The following CNTN6 variants were observed in gnomAD, a reference collection of about 807,000 sequenced individuals.
CNTN6 encodes the protein contactin 6.
Under a neutral mutation model 122.8 loss-of-function variants are expected in CNTN6, and 137 were observed. The ratio of observed to expected loss-of-function variants is 1.12; its 90% CI spans 0.97 to 1.29. The LOEUF (loss-of-function observed/expected upper bound fraction) is 1.29. Among genes scored for constraint, CNTN6 ranks in the 50% most tolerant of loss-of-function variants. The pLI, the probability that CNTN6 is intolerant of heterozygous loss-of-function variation, is 0.00. For synonymous variants in CNTN6, 570 were observed against 426.0 expected (o/e 1.34, Z -4.16); for missense variants, 1,634 against 1,223.4 (o/e 1.34, Z -5.01).
intron 11 of CNTN6, among the ~76,000 whole-genome samples, chr3:1,347,156 T>G (rs1443109685): frequency 1.3e-4 from 20 of 152,306 alleles, no homozygotes; most frequent in Non-Finnish European, 2.9e-4. Context: ...TCTTCTGAAT[T>G]TTGACTCATA....
At chr3:1,360,721 C>A (rs1559919789) in intron 12 of CNTN6, among the ~76,000 whole-genome samples, 1 of 151,926 alleles carries the variant, frequency 6.6e-6, no homozygotes. Context: ...TCAAATCAAG[C>A]TAATTCCAGC....
At chr3:1,234,379 T>G (rs2125579144) in intron 4 of CNTN6, among the ~76,000 whole-genome samples, 1 of 152,300 alleles carries the variant, frequency 6.6e-6, no homozygotes, top group South Asian at 2.1e-4. Flanking sequence ...TTCTATCTTT[T>G]GACCAGGGTC....
intron 2 of CNTN6, among the ~76,000 whole-genome samples, chr3:1,197,214 A>T (rs951172906): frequency 6.6e-6 from 1 of 152,200 alleles, no homozygotes; most frequent in East Asian, 1.9e-4. Flanking sequence ...TCTCAGCATC[A>T]TCTCTCACCC....
At chr3:1,158,233 G>A (rs1006097437) in intron 2 of CNTN6, among the ~76,000 whole-genome samples, 1 of 152,100 alleles carries the variant, frequency 6.6e-6, no homozygotes, top group Non-Finnish European at 1.5e-5. Context: ...TTTCAACTGG[G>A]GTGACATGAT....
At chr3:1,345,750 G>C (rs1019989699) in intron 11 of CNTN6, among the ~76,000 whole-genome samples, 1 of 152,008 alleles carries the variant, frequency 6.6e-6, no homozygotes, top group Non-Finnish European at 1.5e-5. Flanking sequence ...CTTAAATTGT[G>C]AACAGGAAGA....
intron 17 of CNTN6, among the ~76,000 whole-genome samples, chr3:1,381,150 A>T (rs1691812690): frequency 6.6e-6 from 1 of 152,216 alleles, no homozygotes; most frequent in Admixed American, 6.5e-5. Context: ...ATTTATGTAG[A>T]TGAACTGACT....
At chr3:1,329,451 A>G (rs904806190) in intron 10 of CNTN6, among the ~76,000 whole-genome samples, 1 of 151,610 alleles carries the variant, frequency 6.6e-6, no homozygotes, top group East Asian at 2.0e-4. Context: ...TGCTTTTATT[A>G]TTGCAATGAC....
chr3:1,123,764 G>A (rs996423), intron 1 of CNTN6, among the ~76,000 whole-genome samples: 58,111 of 151,778 alleles, frequency 0.38, 11,922 homozygotes, highest in East Asian at 0.48. Context: ...TCTTGTTCCC[G>A]ATCAGAGTGG....
At chr3:1,278,369 T>C in intron 4 of CNTN6, 44 bp from the exon 5 acceptor site, 1 of 1,286,516 alleles carries the variant, frequency 7.8e-7, no homozygotes, top group Admixed American at 2.0e-5. Context: ...ATATTTATTC[T>C]GCAAAGTAAC....
At chr3:1,396,993 T>C (rs954876727) in intron 20 of CNTN6, among the ~76,000 whole-genome samples, 7 of 152,200 alleles carry the variant, frequency 4.6e-5, no homozygotes, top group African/African-American at 1.7e-4. Flanking sequence ...AGAGCTCACA[T>C]TTACCAAAAT....
intron 2 of CNTN6, among the ~76,000 whole-genome samples, chr3:1,213,567 A>C (rs1040363253): frequency 2.0e-5 from 3 of 151,914 alleles, no homozygotes; most frequent in Non-Finnish European, 4.4e-5. Context: ...ATCTCCAATA[A>C]AACTTTCTCT....
chr3:1,301,935 C>T (rs1697498479), intron 7 of CNTN6, among the ~76,000 whole-genome samples: 1 of 152,142 alleles, frequency 6.6e-6, no homozygotes, highest in Non-Finnish European at 1.5e-5. Context: ...TTATCTTTGA[C>T]ACATTGCAAA....
intron 4 of CNTN6, among the ~76,000 whole-genome samples, chr3:1,246,094 T>C (rs1270524995): frequency 6.6e-6 from 1 of 152,206 alleles, no homozygotes; most frequent in Non-Finnish European, 1.5e-5. Context: ...TACAGAAAAG[T>C]ACAAAAAACA....
In CNTN6 at chr3:1,372,442, A is replaced by T; in HGVS notation, c.1636A>T (p.Lys546Ter). The change falls in exon 13 of 23, where the codon AAA becomes TAA. Residue 546 changes from lysine (K) to a stop codon, truncating the protein, a stop_gained. Transcript: ENST00000446702. LOFTEE classifies it high-confidence loss of function. ...CAATGGAGATGTCATAGACTTAAAA[A>T]AAGGAGTGGCTCATTTTGAAAGGAT... ...FFNGDVIDLK[K>*]GVAHFERIGG... is the part of the protein sequence containing the mutation. 1 of 1,612,066 alleles carries T rather than the reference A, an allele frequency of 6.2e-7. No individual in the cohort carries two copies. Among genetic ancestry groups the T allele is most frequent in the South Asian group, 1.1e-5 (1 of 90,650 alleles).
chr3:1,259,106 C>T (rs2094805078), intron 4 of CNTN6, among the ~76,000 whole-genome samples: 1 of 152,116 alleles, frequency 6.6e-6, no homozygotes, highest in South Asian at 2.1e-4. Context: ...ACTCAGAATA[C>T]TTTATAGATG....
intron 4 of CNTN6, among the ~76,000 whole-genome samples, chr3:1,267,828 T>A (rs2094950985): frequency 6.6e-6 from 1 of 152,080 alleles, no homozygotes; most frequent in Admixed American, 6.5e-5. Flanking sequence ...GGCAATGGAA[T>A]ATACACGTTT....
chr3:1,324,145 G>A (rs1453876660), intron 8 of CNTN6, among the ~76,000 whole-genome samples: 1 of 149,422 alleles, frequency 6.7e-6, no homozygotes, highest in African/African-American at 2.6e-5. Flanking sequence ...GCTGCAGGAA[G>A]CACATTCTGT....
rs771133835 is a variant in CNTN6, at chr3:1,154,448, C to CTTTTTTTT, written c.55+6390_55+6397dup. On this transcript the variant is annotated intron_variant, in intron 2 of 22. Coordinates refer to ENST00000446702, the MANE Select transcript of CNTN6 (RefSeq NM_001289080.2). Reference sequence around the variant, plus strand: ...ATAATATTTTTCTTTTCTTTTCTTTCTTTTTTTTTTTTGAGGTGGAGTTTT... The same window carrying CTTTTTTTT: ...ATAATATTTTTCTTTTCTTTTCTTTCTTTTTTTTTTTTTTTTTTTTGAGGTGGAGTTTT... Among the ~76,000 whole-genome samples the CTTTTTTTT allele has an allele frequency of 6.3e-4, 88 of 140,488 alleles. 3 individuals are homozygous for CTTTTTTTT. The highest frequency in any genetic ancestry group is 1.9e-3 in the East Asian group (9 of 4,772). 92.2% of individuals were successfully genotyped at this position (140,488 alleles called of 152,430 possible).
Position 1,402,300 on chromosome 3 carries a change from A to G in CNTN6, c.2818-18A>G, listed in dbSNP as rs1241597432. On this transcript the variant is annotated intron_variant, in intron 21 of 22. Coordinates refer to ENST00000446702, the MANE Select transcript of CNTN6 (RefSeq NM_001289080.2). ...AAAGCAACATGTCCATGTTAACTTGATACCTCATTTTATTCAGATTCTGTA... is the reference window on the plus strand; with the variant it reads ...AAAGCAACATGTCCATGTTAACTTGGTACCTCATTTTATTCAGATTCTGTA... 6.3e-7 allele frequency: 1 copy of G among 1,596,236 alleles called. No individual in the cohort carries two copies. Among genetic ancestry groups the G allele is most frequent in the Non-Finnish European group, 8.6e-7 (1 of 1,168,886 alleles).
Sources: gnomAD v4.1 joint callset for allele counts (sites outside exome capture counted in the v4.1 genomes callset) on GRCh38, gnomAD v4.1.1 for gene constraint, MANE v1.5 for transcripts, NCBI Gene and HGNC (gene_info 2026-07-23, HGNC 2026-07-21) for gene names.